PPP1R12B: variants seen among roughly 807,000 people sequenced by gnomAD.
PPP1R12B encodes the protein protein phosphatase 1 regulatory subunit 12B.
PPP1R12B carries 76 observed loss-of-function variants against 126.1 expected under a neutral mutation model. The observed-to-expected ratio is 0.60, with a 90% CI of 0.50 to 0.73. The LOEUF (loss-of-function observed/expected upper bound fraction) is 0.73, where lower values mean the gene tolerates loss of function less well. Ranked by LOEUF, PPP1R12B falls within the 30% of genes least tolerant of loss-of-function variation. The probability of loss-of-function intolerance (pLI) is 0.00; values close to 1 mark genes in which losing one functional copy is unlikely to be tolerated. For synonymous variants in PPP1R12B, 356 were observed against 434.7 expected (o/e 0.82, Z 2.25); for missense variants, 1,052 against 1,205.1 (o/e 0.87, Z 1.88).
intron 10 of PPP1R12B, chr1:202,439,071 C>A: frequency 7.2e-7 from 1 of 1,390,968 alleles, no homozygotes; most frequent in Non-Finnish European, 1.0e-6. Flanking sequence ...TATGACCTTG[C>A]CATCAAGACC....
chr1:202,426,663 C>T (rs1669554003), intron 4 of PPP1R12B, among the ~76,000 whole-genome samples: 1 of 152,188 alleles, frequency 6.6e-6, no homozygotes, highest in South Asian at 2.1e-4. Flanking sequence ...TTAGAGTCTT[C>T]ATTTTATATG....
intron 18 of PPP1R12B, among the ~76,000 whole-genome samples, chr1:202,499,728 C>T (rs578207107): frequency 2.2e-4 from 34 of 152,296 alleles, no homozygotes; most frequent in Non-Finnish European, 3.2e-4. Flanking sequence ...GTGACAACAA[C>T]GTGGTTTAAG....
intron 18 of PPP1R12B, among the ~76,000 whole-genome samples, chr1:202,516,009 A>G (rs1170716624): frequency 1.3e-5 from 2 of 152,240 alleles, no homozygotes; most frequent in Non-Finnish European, 1.5e-5. Flanking sequence ...TCTGCTACTT[A>G]CTGTGTAACC....
intron 10 of PPP1R12B, among the ~76,000 whole-genome samples, chr1:202,440,386 C>T (rs1182078795): frequency 6.6e-6 from 1 of 152,178 alleles, no homozygotes. Context: ...TAGAGTGGAG[C>T]TTTCTGTTTG....
chr1:202,404,242 A>T (rs566658593), intron 1 of PPP1R12B, among the ~76,000 whole-genome samples: 23 of 152,248 alleles, frequency 1.5e-4, no homozygotes, highest in Non-Finnish European at 1.8e-4. Context: ...TCTATTTTCC[A>T]CTAGCCTGTA....
At chr1:202,439,434 G>A (rs1671311159) in intron 10 of PPP1R12B, 3 of 1,319,628 alleles carry the variant, frequency 2.3e-6, no homozygotes, top group African/African-American at 2.9e-5. Flanking sequence ...GAAAATGCTG[G>A]GCGACCCCAG....
In PPP1R12B at chr1:202,370,517, G is replaced by A. The variant is rs566828237; in HGVS notation, c.291+21375G>A. On this transcript the variant is annotated intron_variant, in intron 1 of 23. Coordinates refer to ENST00000608999, the MANE Select transcript of PPP1R12B (RefSeq NM_002481.4). ...TTCTCTTGGGTAAATACCTGAGAAT[G>A]AAATTGCTGGGTTATAGAGTATATA... 2.0e-5 allele frequency among the ~76,000 whole-genome samples: 3 copies of A among 150,974 alleles called. No homozygotes were observed. The East Asian group carries it at 5.9e-4, about 30-fold the overall frequency.
At chr1:202,425,196 A>G (rs1186744754) in intron 3 of PPP1R12B, among the ~76,000 whole-genome samples, 2 of 152,226 alleles carry the variant, frequency 1.3e-5, no homozygotes, top group Non-Finnish European at 2.9e-5. Flanking sequence ...TATTATATTT[A>G]CCTTGAAGGA....
At chr1:202,516,199 A>G (rs1042902243) in intron 18 of PPP1R12B, among the ~76,000 whole-genome samples, 4 of 152,244 alleles carry the variant, frequency 2.6e-5, no homozygotes, top group South Asian at 2.1e-4. Flanking sequence ...CATAATGATA[A>G]CAATAGTGGT....
chr1:202,558,780 G>T, intron 18 of PPP1R12B, 97 bp from the exon 19 acceptor site: 1 of 799,094 alleles, frequency 1.3e-6, no homozygotes, highest in Non-Finnish European at 2.1e-6. Flanking sequence ...TTTGAAAAGT[G>T]CATTTATAGA....
chr1:202,448,118 A>G (rs1356916232), intron 12 of PPP1R12B, among the ~76,000 whole-genome samples: 2 of 152,152 alleles, frequency 1.3e-5, no homozygotes, highest in African/African-American at 4.8e-5. Context: ...AGTAGGTGAA[A>G]AAAATAGATT....
At chr1:202,568,567 A>G (rs1049743827) in intron 22 of PPP1R12B, among the ~76,000 whole-genome samples, 25 of 152,150 alleles carry the variant, frequency 1.6e-4, no homozygotes, top group Admixed American at 1.6e-3. Context: ...ATCCCATCTG[A>G]TCAAAAACTC....
At chr1:202,404,449 CTCTT>C (rs1666299188) in intron 1 of PPP1R12B, among the ~76,000 whole-genome samples, 1 of 151,582 alleles carries the variant, frequency 6.6e-6, no homozygotes, top group African/African-American at 2.4e-5. Context: ...TTTCAGTGTT[CTCTT>C]TCTTCTTTAT....
At chr1:202,486,865 C>G (rs551245583) in intron 13 of PPP1R12B, among the ~76,000 whole-genome samples, 2 of 152,316 alleles carry the variant, frequency 1.3e-5, no homozygotes, top group Middle Eastern at 3.4e-3. Context: ...GATTGGTGAA[C>G]TCTTCCAATC....
At chr1:202,382,349 C>A (rs1296762944) in intron 1 of PPP1R12B, among the ~76,000 whole-genome samples, 4 of 151,066 alleles carry the variant, frequency 2.6e-5, no homozygotes, top group Non-Finnish European at 4.4e-5. Flanking sequence ...GTGCAGTACG[C>A]CAACATGGCA....
intron 20 of PPP1R12B, among the ~76,000 whole-genome samples, chr1:202,563,794 A>C (rs1170805039): frequency 6.6e-6 from 1 of 152,158 alleles, no homozygotes; most frequent in Admixed American, 6.5e-5. Context: ...TAGGATGGGC[A>C]TGGTGGTTCA....
At chr1:202,552,776 G>A (rs937769365) in intron 18 of PPP1R12B, among the ~76,000 whole-genome samples, 3 of 152,202 alleles carry the variant, frequency 2.0e-5, no homozygotes, top group Non-Finnish European at 4.4e-5. Flanking sequence ...AAAGGAACTT[G>A]AGTTAAACCA....
chr1:202,539,981 A>C (rs949700596), intron 18 of PPP1R12B: 4 of 1,209,380 alleles, frequency 3.3e-6, no homozygotes, highest in Admixed American at 3.4e-5. Flanking sequence ...GCTCAAGACT[A>C]TAATTTACAG....
rs1472799426 is a variant in PPP1R12B at position 202,588,518 on chromosome 1, G to A, written c.*7958G>A. ...TAATATTCACTTCTATATGATGCCT[G>A]TAAACACAACAGTATTTATAAATGA... On this transcript the variant is annotated 3_prime_UTR_variant, in exon 24 of 24. Coordinates refer to ENST00000608999, the MANE Select transcript of PPP1R12B (RefSeq NM_002481.4). 1.3e-5 allele frequency: 2 copies of A among 152,590 alleles called. No individual in the cohort carries two copies. Among genetic ancestry groups the A allele is most frequent in the Admixed American group, 6.5e-5 (1 of 15,272 alleles). 9.5% of individuals were successfully genotyped at this position (152,590 alleles called of 1,614,324 possible).
Sources: allele counts gnomAD v4.1 joint callset (sites outside exome capture counted in the v4.1 genomes callset), GRCh38; gene constraint gnomAD v4.1.1; transcripts MANE v1.5; gene names NCBI Gene and HGNC (gene_info 2026-07-23, HGNC 2026-07-21).